PARVA: variants seen among roughly 807,000 people sequenced by gnomAD.
PARVA encodes alpha-parvin.
PARVA carries 25 observed loss-of-function variants against 52.6 expected under a neutral mutation model. That is an observed-to-expected ratio of 0.48 (90% CI 0.35 to 0.66). The LOEUF (loss-of-function observed/expected upper bound fraction) is 0.66. Ranked by LOEUF, PARVA falls within the 30% of genes least tolerant of loss-of-function variation. The probability of loss-of-function intolerance (pLI) is 0.01; values close to 1 mark genes in which losing one functional copy is unlikely to be tolerated. For missense variants in PARVA, 373 were observed against 450.9 expected (o/e 0.83, Z 1.56); for synonymous variants, 185 against 179.1 (o/e 1.03, Z -0.26).
chr11:12,383,363 G>A (rs1429154315), intron 1 of PARVA, among the ~76,000 whole-genome samples: 1 of 152,180 alleles, frequency 6.6e-6, no homozygotes, highest in Non-Finnish European at 1.5e-5. Context: ...CTCTGCTGAA[G>A]GCACCCGAAT....
At chr11:12,461,149 C>A (rs1940773812) in intron 1 of PARVA, among the ~76,000 whole-genome samples, 2 of 152,186 alleles carry the variant, frequency 1.3e-5, no homozygotes, top group South Asian at 4.1e-4. Context: ...CTCTGGAAGG[C>A]AGGTCCTTGT....
At chr11:12,405,939 CAG>C (rs530374703) in intron 1 of PARVA, among the ~76,000 whole-genome samples, 2 of 152,182 alleles carry the variant, frequency 1.3e-5, no homozygotes, top group Non-Finnish European at 2.9e-5. Flanking sequence ...GCCTGGGTGA[CAG>C]AGAGTCTGTC....
At chr11:12,499,603 T>C (rs528663130) in intron 5 of PARVA, among the ~76,000 whole-genome samples, 1 of 152,254 alleles carries the variant, frequency 6.6e-6, no homozygotes, top group African/African-American at 2.4e-5. Flanking sequence ...CACTCACCCA[T>C]CTGAAGTAAG....
intron 10 of PARVA, among the ~76,000 whole-genome samples, chr11:12,515,967 G>T (rs1017943208): frequency 6.6e-6 from 1 of 152,190 alleles, no homozygotes; most frequent in African/African-American, 2.4e-5. Flanking sequence ...CTCCTGAGCA[G>T]CTGGGACTAC....
chr11:12,531,901 T>C lies in PARVA; in HGVS notation c.*3976T>C, dbSNP rs1941776766. Among the ~76,000 whole-genome samples the C allele has an allele frequency of 6.6e-6, 1 of 152,138 alleles. No individual in the cohort carries two copies. Among genetic ancestry groups the C allele is most frequent in the South Asian group, 2.1e-4 (1 of 4,820 alleles). On this transcript the variant is annotated 3_prime_UTR_variant, in exon 13 of 13. Transcript: ENST00000334956. ...CTCCACACATCAGCTTCCCAAATAC[T>C]TGCAGATTTGGGTCTTACCAAAAGA... is the stretch of plus-strand genomic sequence containing the variant.
intron 1 of PARVA, among the ~76,000 whole-genome samples, chr11:12,414,882 G>A (rs187546011): frequency 6.6e-6 from 1 of 152,330 alleles, no homozygotes; most frequent in Non-Finnish European, 1.5e-5. Context: ...GGGCCTGGTG[G>A]AAGTTGGCAA....
At chr11:12,461,776 T>C (rs1041331745) in intron 1 of PARVA, among the ~76,000 whole-genome samples, 1 of 152,130 alleles carries the variant, frequency 6.6e-6, no homozygotes, top group South Asian at 2.1e-4. Context: ...AAAACAAAGA[T>C]GGGTGGAAAC....
intron 4 of PARVA, chr11:12,478,787 A>G (rs775253238): frequency 6.6e-6 from 1 of 152,348 alleles, no homozygotes; most frequent in Non-Finnish European, 1.5e-5. Context: ...AAAACTTCCA[A>G]ACTCACTTCT....
intron 9 of PARVA, chr11:12,513,697 C>A (rs1225927949): frequency 1.5e-5 from 9 of 581,870 alleles, no homozygotes; most frequent in Non-Finnish European, 2.2e-5. Context: ...CCAGTGGAAT[C>A]ATTTTATTTC....
At chr11:12,409,211 T>C (rs1939957657) in intron 1 of PARVA, among the ~76,000 whole-genome samples, 1 of 152,246 alleles carries the variant, frequency 6.6e-6, no homozygotes, top group African/African-American at 2.4e-5. Flanking sequence ...TAAGGTTATA[T>C]ATATATAATA....
chr11:12,487,992 G>C (rs1451470478), intron 4 of PARVA, among the ~76,000 whole-genome samples: 3 of 152,150 alleles, frequency 2.0e-5, no homozygotes, highest in Non-Finnish European at 2.9e-5. Context: ...AATTGGTTGA[G>C]TGCATATGTA....
rs1436308810 is a variant in PARVA at position 12,531,984 on chromosome 11, G to A, written c.*4059G>A. ...ACAAAGGCTACATTTACAAATACCA[G>A]AGTTTCGACTGTGTTTTTACTCTCT... On this transcript the variant is annotated 3_prime_UTR_variant, in exon 13 of 13. Transcript: ENST00000334956. Among the ~76,000 whole-genome samples, 2 of 152,134 alleles carry A rather than the reference G, an allele frequency of 1.3e-5. No individual in the cohort carries two copies. Among genetic ancestry groups the A allele is most frequent in the Non-Finnish European group, 2.9e-5 (2 of 68,042 alleles).
At chr11:12,441,061 CT>C (rs1940459704) in intron 1 of PARVA, among the ~76,000 whole-genome samples, 1 of 152,184 alleles carries the variant, frequency 6.6e-6, no homozygotes, top group South Asian at 2.1e-4. Context: ...TTGCCTACCA[CT>C]GTATTTTTAA....
At chr11:12,521,422 G>C (rs1378216708) in intron 12 of PARVA, among the ~76,000 whole-genome samples, 1 of 152,206 alleles carries the variant, frequency 6.6e-6, no homozygotes, top group Non-Finnish European at 1.5e-5. Context: ...TAAATTGCTA[G>C]AACCATTTTA....
intron 10 of PARVA, among the ~76,000 whole-genome samples, chr11:12,515,423 GCTTC>G (rs1185605018): frequency 6.6e-6 from 1 of 152,172 alleles, no homozygotes; most frequent in African/African-American, 2.4e-5. Flanking sequence ...GAAAAGTGAC[GCTTC>G]CTTGAGTGAG....
chr11:12,434,925 A>G (rs1302248756), intron 1 of PARVA, among the ~76,000 whole-genome samples: 1 of 152,168 alleles, frequency 6.6e-6, no homozygotes, highest in Non-Finnish European at 1.5e-5. Context: ...AGCTTCTAAC[A>G]TAACCCCAGT....
intron 1 of PARVA, among the ~76,000 whole-genome samples, chr11:12,427,145 A>G (rs1940249107): frequency 6.6e-6 from 1 of 152,240 alleles, no homozygotes; most frequent in African/African-American, 2.4e-5. Flanking sequence ...TTAATATAGT[A>G]GAGCTACTGA....
intron 4 of PARVA, chr11:12,479,168 A>G (rs1355619414): frequency 1.3e-5 from 2 of 152,202 alleles, no homozygotes; most frequent in African/African-American, 4.8e-5. Context: ...ACCTTTGATC[A>G]TGCTAGTCCT....
intron 12 of PARVA, among the ~76,000 whole-genome samples, chr11:12,519,140 G>A (rs1941608277): frequency 6.6e-6 from 1 of 152,240 alleles, no homozygotes; most frequent in South Asian, 2.1e-4. Context: ...ACTGACTGAA[G>A]TATTCCATTT....
Sources: allele counts gnomAD v4.1 joint callset (sites outside exome capture counted in the v4.1 genomes callset), GRCh38; gene constraint gnomAD v4.1.1; transcripts MANE v1.5; gene names NCBI Gene and HGNC (gene_info 2026-07-23, HGNC 2026-07-21).